The following SLX4 variants were observed in gnomAD, a reference collection of about 807,000 sequenced individuals.
The protein encoded by SLX4 is structure-specific endonuclease subunit SLX4.
A neutral mutation model predicts 146.2 loss-of-function variants in SLX4; 112 were observed. The ratio of observed to expected loss-of-function variants is 0.77; its 90% confidence interval spans 0.66 to 0.90. SLX4 has a LOEUF of 0.90. Ranked by LOEUF, SLX4 falls within the 40% of genes least tolerant of loss-of-function variation. The pLI is 0.00. For synonymous variants in SLX4, 1,061 were observed against 997.7 expected (o/e 1.06, Z -1.20); for missense variants, 2,563 against 2,392.7 (o/e 1.07, Z -1.49).
rs147826749 is a variant in SLX4, at chr16:3,606,644, A to C, written c.590T>G (p.Val197Gly). 2 of 1,614,088 alleles carry C rather than the reference A, an allele frequency of 1.2e-6. No homozygotes were observed. Among genetic ancestry groups the C allele is most frequent in the East Asian group, 2.2e-5 (1 of 44,902 alleles). Residue 197 changes from valine to glycine, a missense_variant, in exon 3 of 15, where the codon GTG becomes GGG. Transcript: ENST00000294008. ...QPPPSCLTTA[V>G]PSPSKPRTAQ... is the part of the protein sequence containing the mutation. Reference sequence around the variant, plus strand: ...TGTGCGGGGTTTGGAGGGACTTGGCACTGCTGTTGTCAAACAGGAAGGAGG... The same window carrying C: ...TGTGCGGGGTTTGGAGGGACTTGGCCCTGCTGTTGTCAAACAGGAAGGAGG...
intron 12 of SLX4, among the ~76,000 whole-genome samples, chr16:3,587,895 C>A (rs2040525686): frequency 2.0e-5 from 3 of 151,152 alleles, no homozygotes; most frequent in Admixed American, 2.0e-4. Flanking sequence ...CTCAGCCCAG[C>A]CCGGCCTGTC....
intron 10 of SLX4, among the ~76,000 whole-genome samples, 157 bp downstream of exon 10, chr16:3,594,296 G>A (rs1172850754): frequency 6.6e-6 from 1 of 152,148 alleles, no homozygotes; most frequent in Non-Finnish European, 1.5e-5. Context: ...GAAACGGATG[G>A]TTGGGAGGGA....
At chr16:3,611,374 C>A (rs1596537284) in intron 1 of SLX4, among the ~76,000 whole-genome samples, 186 bp downstream of exon 1, 1 of 152,260 alleles carries the variant, frequency 6.6e-6, no homozygotes, top group Non-Finnish European at 1.5e-5. Flanking sequence ...CGGGCCCCGG[C>A]CCCTCTCCAC....
At chr16:3,600,208 TTCC>T (rs2040710858) in intron 5 of SLX4, among the ~76,000 whole-genome samples, 1 of 152,186 alleles carries the variant, frequency 6.6e-6, no homozygotes, top group East Asian at 1.9e-4. Flanking sequence ...AGGGTTTGTG[TTCC>T]TGTGAGTCTA....
rs149897636 is a variant in SLX4 at position 3,592,756 on chromosome 16, G to A, written c.2270C>T (p.Thr757Ile). The A allele has an allele frequency of 8.1e-6, 13 of 1,613,344 alleles. No individual in the cohort carries two copies. The highest frequency in any genetic ancestry group is 1.1e-5 in the Non-Finnish European group (13 of 1,180,030). ...AARTFLHYLY[T>I]ADTGLPPGLS... ...GCCAGGAGGAAGGCCAGTGTCCGCA[G>A]TGTAGAGATAGTGCAGGAACGTGCG... The change falls in exon 11 of 15, where the codon ACT (threonine) becomes ATT (isoleucine). Residue 757 changes from threonine to isoleucine, a missense_variant. By Grantham distance (89) the Thr-to-Ile change is moderately conservative. Transcript: ENST00000294008.
chr16:3,587,251 C>T (rs1212402587), intron 12 of SLX4, among the ~76,000 whole-genome samples: 1 of 152,144 alleles, frequency 6.6e-6, no homozygotes, highest in African/African-American at 2.4e-5. Context: ...AATCCCAGCA[C>T]TTTGGGAGGC....
chr16:3,583,383 C>A lies in SLX4; in HGVS notation c.4867G>T (p.Ala1623Ser). The A allele has an allele frequency of 6.2e-7, 1 of 1,613,022 alleles. No individual in the cohort carries two copies. The highest frequency in any genetic ancestry group is 8.5e-7 in the Non-Finnish European group (1 of 1,179,126). ...ESQSSQPLLQAPHCQTLASQT... is the reference protein window; with the variant it reads ...ESQSSQPLLQSPHCQTLASQT... ...GAGGCGAGGGTCTGGCAGTGAGGCG[C>A]CTGCAACAGCGGCTGTGAGGACTGG... is the stretch of plus-strand genomic sequence containing the variant. The change falls in exon 14 of 15, where the codon GCG becomes TCG. Residue 1623 changes from alanine (A) to serine (S), a missense_variant. Transcript: ENST00000294008.
At chr16:3,592,962 T>A in intron 10 of SLX4, 97 bp from the exon 11 acceptor site, 1 of 1,279,454 alleles carries the variant, frequency 7.8e-7, no homozygotes, top group Non-Finnish European at 1.1e-6. Flanking sequence ...CACTAGTCTT[T>A]TTATTTTTCT....
chr16:3,605,777 C>G (rs908434137), intron 3 of SLX4, among the ~76,000 whole-genome samples: 1 of 150,286 alleles, frequency 6.7e-6, no homozygotes, highest in African/African-American at 2.5e-5. Flanking sequence ...GAAACCTTGT[C>G]TCTACTAAAA....
chr16:3,588,949 G>C, intron 12 of SLX4, 53 bp downstream of exon 12: 2 of 1,609,620 alleles, frequency 1.2e-6, no homozygotes, highest in Admixed American at 3.3e-5. Context: ...CACCCTCTTA[G>C]TGTAAAATAG....
rs1459274777 is a variant in SLX4, at chr16:3,583,269, T to C, written c.4981A>G (p.Lys1661Glu). Residue 1661 changes from lysine (K) to glutamate (E), a missense_variant, in exon 14 of 15, where the codon AAG (lysine) becomes GAG (glutamate). Lys to Glu is a moderately conservative substitution (Grantham distance 56). Transcript: ENST00000294008. ...PGAHRPKGPA[K>E]TKGPRHQRKH... ...CTTTGATGTCGGGGGCCCTTGGTCT[T>C]AGCAGGTCCCTTGGGCCTATGGGCC... 1 of 1,614,158 alleles carries C rather than the reference T, an allele frequency of 6.2e-7. No homozygotes were observed.
rs2040445027 is a variant in SLX4, at chr16:3,582,292, G to A, written c.*50C>T. 11 of 1,529,306 alleles carry A rather than the reference G, an allele frequency of 7.2e-6. No homozygotes were observed. The highest frequency in any genetic ancestry group is 2.3e-5 in the East Asian group (1 of 43,658). The allele number at this position is 1,529,306 out of a possible 1,614,324, so 94.7% of individuals were successfully genotyped here. A position where few individuals can be genotyped will look rare whatever the true frequency, so the allele number is the denominator to read the frequency against. ...GTCCCAGGTCCTCCCTGCAAATGGC[G>A]GGGGTGGGGGCTGCTGATGGCAGGT... is the stretch of plus-strand genomic sequence containing the variant. On this transcript the variant is annotated 3_prime_UTR_variant, in exon 15 of 15. Coordinates refer to ENST00000294008, the MANE Select transcript of SLX4 (RefSeq NM_032444.4).
In SLX4 at chr16:3,591,076, A is replaced by G. The variant is rs1378891339; in HGVS notation, c.2562T>C (p.Ile854=). Residue 854 remains isoleucine, a synonymous_variant, in exon 12 of 15, where the codon ATT becomes ATC. Coordinates refer to ENST00000294008, the MANE Select transcript of SLX4 (RefSeq NM_032444.4). ...TTCGCTGAGTAGCTGCAAATTCATA[A>G]ATTTCTTCCATTTCTGCTTCATTCA... The part of the protein sequence containing the change: ...ENVNEAEMEE[I]YEFAATQRKL... The G allele has an allele frequency of 1.2e-6, 2 of 1,613,698 alleles. No individual in the cohort carries two copies. The highest frequency in any genetic ancestry group is 1.7e-6 in the Non-Finnish European group (2 of 1,179,982).
chr16:3,582,166 G>A lies in SLX4; in HGVS notation c.*176C>T, dbSNP rs2040443141. 4.9e-6 allele frequency: 3 copies of A among 617,532 alleles called. No homozygotes were observed. Among genetic ancestry groups the A allele is most frequent in the African/African-American group, 3.7e-5 (2 of 54,380 alleles). 38.3% of individuals were successfully genotyped at this position (617,532 alleles called of 1,614,324 possible). A position where few individuals can be genotyped will look rare whatever the true frequency, so the allele number is the denominator to read the frequency against. The stretch of plus-strand genomic sequence containing the variant: ...ATGCCACCCTAGAAAGCAGAGCCCA[G>A]AGGAGGAAGCCCTGGATTGGGCTGT... On this transcript the variant is annotated 3_prime_UTR_variant, in exon 15 of 15. Transcript: ENST00000294008.
chr16:3,596,337 G>A lies in SLX4; in HGVS notation c.1740C>T (p.Ser580=), dbSNP rs200354014. 3.5e-5 allele frequency: 55 copies of A among 1,592,752 alleles called. No homozygotes were observed. Among genetic ancestry groups the A allele is most frequent in the East Asian group, 3.2e-4 (14 of 44,136 alleles). ...PLVPPEHSEL[S]ERRSPALHGT... ...CGTGGAGAGCGGGTGACCTTCGCTCGCTCAGCTCTGAGTGCTCAGGTGGCA... is the reference window on the plus strand; with the variant it reads ...CGTGGAGAGCGGGTGACCTTCGCTCACTCAGCTCTGAGTGCTCAGGTGGCA... The change falls in exon 8 of 15, where the codon AGC becomes AGT. Residue 580 remains serine (S), a synonymous_variant. Coordinates refer to ENST00000294008, the MANE Select transcript of SLX4 (RefSeq NM_032444.4).
At chr16:3,605,930 G>A (rs1257359941) in intron 3 of SLX4, among the ~76,000 whole-genome samples, 2 of 128,404 alleles carry the variant, frequency 1.6e-5, no homozygotes, top group African/African-American at 6.1e-5. Flanking sequence ...CTGGGTGACG[G>A]AGCGAGACTC....
rs534077056 is a variant in SLX4 at position 3,611,597 on chromosome 16, G to C, written c.-640C>G. 6.6e-6 allele frequency: 1 copy of C among 152,164 alleles called. No individual in the cohort carries two copies. Among genetic ancestry groups the C allele is most frequent in the South Asian group, 2.1e-4 (1 of 4,832 alleles). 9.4% of individuals were successfully genotyped at this position (152,164 alleles called of 1,614,324 possible). ...CGCGGCACCTTCTTAACGGAGACTC[G>C]CGCGCCTGCGCATGCGCCGCCCGCG... is the stretch of plus-strand genomic sequence containing the variant. On this transcript the variant is annotated 5_prime_UTR_variant, in exon 1 of 15. Coordinates refer to ENST00000294008, the MANE Select transcript of SLX4 (RefSeq NM_032444.4).
chr16:3,596,389 A>C lies in SLX4; in HGVS notation c.1688T>G (p.Leu563Arg). ...CAGAGGCGGCACGGGCTCCTGCATA[A>C]GGCCCTGAAAGAAGCCAGTAAGGAG... ...PLVPQRPAQG[L>R]MQEPVPPLVP... The change falls in exon 8 of 15, where the codon CTT becomes CGT. Residue 563 changes from leucine (L) to arginine (R), a missense_variant. Physicochemically the swap from Leu to Arg is moderately radical, Grantham distance 102 (BLOSUM62 -2). Transcript: ENST00000294008. 1 of 1,591,060 alleles carries C rather than the reference A, an allele frequency of 6.3e-7. No individual in the cohort carries two copies. Among genetic ancestry groups the C allele is most frequent in the Non-Finnish European group, 8.6e-7 (1 of 1,166,242 alleles).
In SLX4 at chr16:3,597,351, A is replaced by G; in HGVS notation, c.1683+28T>C. Reference sequence around the variant, plus strand: ...GATTGCCAACCTCCCCCAAAAGCCTATCCATGTGCCTGAGGGGAGGGACTC... The same window carrying G: ...GATTGCCAACCTCCCCCAAAAGCCTGTCCATGTGCCTGAGGGGAGGGACTC... On this transcript the variant is annotated intron_variant, in intron 7 of 14. Transcript: ENST00000294008. The surrounding 1 kb of genome is among the most constrained non-coding windows in gnomAD (Gnocchi z 4.4). 3 of 1,504,518 alleles carry G rather than the reference A, an allele frequency of 2.0e-6. No individual in the cohort carries two copies. The highest frequency in any genetic ancestry group is 2.7e-6 in the Non-Finnish European group (3 of 1,123,032). The allele number at this position is 1,504,518 out of a possible 1,614,324, so 93.2% of individuals were successfully genotyped here. A position where few individuals can be genotyped will look rare whatever the true frequency, so the allele number is the denominator to read the frequency against.
Sources: gnomAD v4.1 joint callset for allele counts (sites outside exome capture counted in the v4.1 genomes callset) on GRCh38, gnomAD v4.1.1 for gene constraint, Gnocchi (gnomAD v3.1) non-coding constraint, MANE v1.5 for transcripts, NCBI Gene and HGNC (gene_info 2026-07-23, HGNC 2026-07-21) for gene names.